IL1R1: variants seen among roughly 807,000 people sequenced by gnomAD.
The protein encoded by IL1R1 is interleukin-1 receptor type 1.
Under a neutral mutation model 50.2 loss-of-function variants are expected in IL1R1, and 22 were observed. The observed-to-expected ratio is 0.44, with a 90% CI of 0.31 to 0.63. IL1R1 has a LOEUF of 0.63. Among genes scored for constraint, IL1R1 ranks in the 20% least tolerant of loss-of-function variants. IL1R1 has a pLI of 0.07. For missense variants in IL1R1, 509 were observed against 676.2 expected (o/e 0.75, Z 2.74); for synonymous variants, 251 against 236.7 (o/e 1.06, Z -0.55).
chr2:102,120,707 C>T (rs1449195775), intron 1 of IL1R1, among the ~76,000 whole-genome samples: 1 of 152,188 alleles, frequency 6.6e-6, no homozygotes, highest in Non-Finnish European at 1.5e-5. Flanking sequence ...CTTCAATTCA[C>T]CTTTGCACAC....
chr2:102,162,904 T>G (rs1278796009), intron 3 of IL1R1, among the ~76,000 whole-genome samples: 1 of 152,174 alleles, frequency 6.6e-6, no homozygotes, highest in African/African-American at 2.4e-5. Flanking sequence ...TTGTGCTTTT[T>G]GAAGGAATTA....
chr2:102,075,113 A>G (rs546363978), intron 1 of IL1R1, among the ~76,000 whole-genome samples: 2 of 152,266 alleles, frequency 1.3e-5, no homozygotes, highest in African/African-American at 4.8e-5. Context: ...GTTAACTTTA[A>G]TCAGTTATGT....
chr2:102,167,740 G>GC (rs916745808), intron 6 of IL1R1, among the ~76,000 whole-genome samples: 27 of 152,122 alleles, frequency 1.8e-4, no homozygotes, highest in African/African-American at 6.3e-4. Context: ...GAGCCACCGC[G>GC]CCCGGCCAGG....
intron 1 of IL1R1, among the ~76,000 whole-genome samples, chr2:102,074,987 G>A (rs1678898719): frequency 6.6e-6 from 1 of 151,690 alleles, no homozygotes; most frequent in Admixed American, 6.6e-5. Flanking sequence ...CATTCTATAT[G>A]TATATATATG....
chr2:102,086,978 G>C (rs894353163), intron 1 of IL1R1, among the ~76,000 whole-genome samples: 1 of 151,942 alleles, frequency 6.6e-6, no homozygotes, highest in Non-Finnish European at 1.5e-5. Context: ...CAGAGATATT[G>C]TGGATTTGCT....
intron 1 of IL1R1, among the ~76,000 whole-genome samples, chr2:102,120,114 A>T (rs1681323693): frequency 6.6e-6 from 1 of 152,086 alleles, no homozygotes; most frequent in Non-Finnish European, 1.5e-5. Context: ...ATTTGGCCAG[A>T]TCGGACCTAC....
At chr2:102,137,495 T>C (rs1054150136) in intron 1 of IL1R1, among the ~76,000 whole-genome samples, 45 of 152,186 alleles carry the variant, frequency 3.0e-4, no homozygotes, top group African/African-American at 1.0e-3. Flanking sequence ...GGCTGTGGAC[T>C]GGAGCACCTG....
intron 1 of IL1R1, among the ~76,000 whole-genome samples, chr2:102,079,934 T>TA (rs1482573263): frequency 6.6e-6 from 1 of 152,160 alleles, no homozygotes; most frequent in Non-Finnish European, 1.5e-5. Context: ...AATATGCCCT[T>TA]ACGTTTATGG....
chr2:102,120,013 T>A (rs1444697625), intron 1 of IL1R1, among the ~76,000 whole-genome samples: 1 of 152,200 alleles, frequency 6.6e-6, no homozygotes, highest in African/African-American at 2.4e-5. Context: ...ATTAGTCCCC[T>A]GTCAGAACTC....
chr2:102,164,927 C>T lies in IL1R1; in HGVS notation c.215C>T (p.Ser72Phe). 1 of 1,614,080 alleles carries T rather than the reference C, an allele frequency of 6.2e-7. No individual in the cohort carries two copies. The highest frequency in any genetic ancestry group is 8.5e-7 in the Non-Finnish European group (1 of 1,179,988). The change falls in exon 4 of 12, where the codon TCC becomes TTC. Residue 72 changes from serine (S) to phenylalanine (F), a missense_variant. Physicochemically the swap from Ser to Phe is radical, Grantham distance 155. Transcript: ENST00000410023. ...SKTPVSTEQA[S>F]RIHQHKEKLW... ...ACACCTGTATCTACAGAACAAGCCT[C>T]CAGGATTCATCAACACAAAGAGAAA...
chr2:102,079,746 T>A (rs73943966), intron 1 of IL1R1, among the ~76,000 whole-genome samples: 2,997 of 152,140 alleles, frequency 0.02, 72 homozygotes, highest in South Asian at 0.13. Context: ...AAACTGCTCA[T>A]AAAATACACA....
intron 7 of IL1R1, among the ~76,000 whole-genome samples, chr2:102,171,422 A>C (rs1333455644): frequency 6.6e-6 from 1 of 152,216 alleles, no homozygotes; most frequent in Non-Finnish European, 1.5e-5. Flanking sequence ...ATTAATCATA[A>C]TAGTGAAAAA....
intron 1 of IL1R1, among the ~76,000 whole-genome samples, chr2:102,149,288 A>G (rs916078017): frequency 6.6e-6 from 1 of 152,242 alleles, no homozygotes; most frequent in Admixed American, 6.5e-5. Flanking sequence ...TCATTACTCC[A>G]TGGGAAGGTA....
intron 1 of IL1R1, among the ~76,000 whole-genome samples, chr2:102,095,969 C>T (rs1246612191): frequency 2.6e-5 from 4 of 152,180 alleles, no homozygotes; most frequent in Non-Finnish European, 5.9e-5. Flanking sequence ...TGCCACTGCA[C>T]TCCAGCCTGG....
intron 8 of IL1R1, 113 bp downstream of exon 8, chr2:102,172,031 C>CTTTTTTTTTTTTTTTT (rs35265416): frequency 7.6e-4 from 66 of 87,264 alleles, no homozygotes; most frequent in South Asian, 1.5e-3. Flanking sequence ...CCTTTGCTGC[C>CTTTTTTTTTTTTTTTT]TTTTTTTTTT....
intron 1 of IL1R1, among the ~76,000 whole-genome samples, chr2:102,108,982 AATAAT>A (rs1361151880): frequency 3.0e-5 from 4 of 132,084 alleles, no homozygotes; most frequent in African/African-American, 1.0e-4. Flanking sequence ...TAATAATAAT[AATAAT>A]AAAAGCTAAT....
chr2:102,085,711 A>T (rs958719577), intron 1 of IL1R1, among the ~76,000 whole-genome samples: 2 of 152,054 alleles, frequency 1.3e-5, no homozygotes, highest in African/African-American at 2.4e-5. Context: ...TTTCATATGA[A>T]TTTTAAAATC....
At chr2:102,089,282 C>G (rs1419611876) in intron 1 of IL1R1, among the ~76,000 whole-genome samples, 1 of 152,064 alleles carries the variant, frequency 6.6e-6, no homozygotes, top group African/African-American at 2.4e-5. Flanking sequence ...ATTAATTGAC[C>G]TAATTTCAAT....
At chr2:102,106,725 A>G (rs1577856855) in intron 1 of IL1R1, among the ~76,000 whole-genome samples, 1 of 152,200 alleles carries the variant, frequency 6.6e-6, no homozygotes, top group Non-Finnish European at 1.5e-5. Flanking sequence ...GAAGAAATAT[A>G]TTTGTACTCT....
Sources: gnomAD v4.1 joint callset for allele counts (sites outside exome capture counted in the v4.1 genomes callset) on GRCh38, gnomAD v4.1.1 for gene constraint, MANE v1.5 for transcripts, NCBI Gene and HGNC (gene_info 2026-07-23, HGNC 2026-07-21) for gene names.